CDH7: variants seen among roughly 807,000 people sequenced by gnomAD.
CDH7 encodes the protein cadherin 7.
Under a neutral mutation model 71.8 loss-of-function variants are expected in CDH7, and 25 were observed. The ratio of observed to expected loss-of-function variants is 0.35; its 90% CI spans 0.25 to 0.49. The LOEUF (loss-of-function observed/expected upper bound fraction) is 0.49, where lower values mean the gene tolerates loss of function less well. Ranked by LOEUF, CDH7 falls within the 20% of genes least tolerant of loss-of-function variation. CDH7 has a pLI of 0.99. For synonymous variants in CDH7, 381 were observed against 363.8 expected, an observed-to-expected ratio of 1.05 and a Z score of -0.54; for missense variants, 862 against 974.6, an observed-to-expected ratio of 0.88 and a Z score of 1.54.
At chr18:65,819,850 G>GT (rs1911855264) in intron 4 of CDH7, among the ~76,000 whole-genome samples, 2 of 151,182 alleles carry the variant, frequency 1.3e-5, no homozygotes, top group African/African-American at 4.8e-5. Flanking sequence ...CCAGCCCCTG[G>GT]TTATTAATCC....
At chr18:65,821,441 T>A (rs910569970) in intron 4 of CDH7, among the ~76,000 whole-genome samples, 8 of 152,168 alleles carry the variant, frequency 5.3e-5, no homozygotes, top group Non-Finnish European at 1.2e-4. Flanking sequence ...AGGTGTTACT[T>A]AAAGTGAGCC....
chr18:65,824,035 C>CTTT lies in CDH7; in HGVS notation c.794-599_794-597dup, dbSNP rs5825650. 1.6e-3 allele frequency among the ~76,000 whole-genome samples: 226 copies of CTTT among 145,572 alleles called. 1 individual carries two copies. The highest frequency in any genetic ancestry group is 5.5e-3 in the African/African-American group (221 of 40,030). On this transcript the variant is annotated intron_variant, in intron 5 of 11. Coordinates refer to ENST00000397968, the MANE Select transcript of CDH7 (RefSeq NM_004361.5). ...TTAGAAGTTATTTTTTTCTCTTTCA[C>CTTT]TTTTTTTTTTTTCAGTTCAACTAAT...
chr18:65,852,035 C>T (rs1417444243), intron 7 of CDH7, among the ~76,000 whole-genome samples: 1 of 152,078 alleles, frequency 6.6e-6, no homozygotes, highest in Non-Finnish European at 1.5e-5. Context: ...GGAGGAAAAA[C>T]AGGAATACAG....
intron 7 of CDH7, among the ~76,000 whole-genome samples, chr18:65,846,291 A>AG (rs1568216837): frequency 6.6e-6 from 1 of 152,080 alleles, no homozygotes; most frequent in Admixed American, 6.6e-5. Context: ...GGTCTTTATC[A>AG]GTGAAAGAGT....
At chr18:65,838,763 C>G (rs1442417884) in intron 6 of CDH7, among the ~76,000 whole-genome samples, 1 of 152,102 alleles carries the variant, frequency 6.6e-6, no homozygotes, top group Non-Finnish European at 1.5e-5. Context: ...ATTGAAAAGG[C>G]TACAAATGGC....
intron 7 of CDH7, among the ~76,000 whole-genome samples, chr18:65,849,180 AT>A (rs1913041622): frequency 6.6e-6 from 1 of 152,106 alleles, no homozygotes; most frequent in East Asian, 1.9e-4. Flanking sequence ...AATGCTGCTC[AT>A]TTTAGCATAA....
Position 65,861,324 on chromosome 18 carries a change from CGTGTGTGTGTGTGTTTGT to C in CDH7, c.1613-1327_1613-1310del, listed in dbSNP as rs1454271089. 2.4e-4 allele frequency among the ~76,000 whole-genome samples: 8 copies of C among 33,446 alleles called. 1 individual carries two copies. Among genetic ancestry groups the C allele is most frequent in the Non-Finnish European group, 1.3e-4 (2 of 15,700 alleles). The allele number at this position is 33,446 out of a possible 152,430, so 21.9% of individuals were successfully genotyped here. On this transcript the variant is annotated intron_variant, in intron 10 of 11. Transcript: ENST00000397968. Reference sequence around the variant, plus strand: ...TTTCAGCTTGTGTTCCTCAATTCACCGTGTGTGTGTGTGTTTGTGTGTGTGTGTGTGTGTGTGATTTTG... The same window carrying C: ...TTTCAGCTTGTGTTCCTCAATTCACCGTGTGTGTGTGTGTGTGTGATTTTG...
At chr18:65,857,448 A>T (rs577932114) in intron 7 of CDH7, among the ~76,000 whole-genome samples, 1 of 151,444 alleles carries the variant, frequency 6.6e-6, no homozygotes, top group Non-Finnish European at 1.5e-5. Context: ...CAGGAGTTTG[A>T]GGTTACAGTG....
At chr18:65,775,983 G>A (rs1225459816) in intron 2 of CDH7, among the ~76,000 whole-genome samples, 1 of 152,080 alleles carries the variant, frequency 6.6e-6, no homozygotes, top group African/African-American at 2.4e-5. Context: ...AGTATTAAAT[G>A]TTAAATAAGA....
chr18:65,756,822 A>C (rs1276846653), intron 1 of CDH7, among the ~76,000 whole-genome samples: 1 of 152,258 alleles, frequency 6.6e-6, no homozygotes, highest in Non-Finnish European at 1.5e-5. Flanking sequence ...TATTTCTAGA[A>C]AGCATACAGC....
intron 2 of CDH7, among the ~76,000 whole-genome samples, chr18:65,767,103 T>G (rs1292488096): frequency 3.3e-5 from 5 of 150,982 alleles, no homozygotes; most frequent in Admixed American, 3.3e-4. Flanking sequence ...CTTTTTTTTT[T>G]TTTTGGCTAC....
chr18:65,779,039 T>G (rs1910073132), intron 2 of CDH7, among the ~76,000 whole-genome samples: 1 of 150,944 alleles, frequency 6.6e-6, no homozygotes, highest in African/African-American at 2.4e-5. Context: ...CCCTTTGCTC[T>G]TCAGACATAT....
chr18:65,818,424 T>C (rs1911799251), intron 4 of CDH7, among the ~76,000 whole-genome samples: 1 of 152,138 alleles, frequency 6.6e-6, no homozygotes, highest in Non-Finnish European at 1.5e-5. Context: ...AGAATGTGCA[T>C]GGGGGAGTAC....
intron 2 of CDH7, among the ~76,000 whole-genome samples, chr18:65,781,782 C>CTTT (rs1568181313): frequency 1.6e-5 from 1 of 63,558 alleles, no homozygotes; most frequent in Non-Finnish European, 2.7e-5. Context: ...TTCCTTCCTT[C>CTTT]CTTCCTTCCT....
At chr18:65,761,469 T>C (rs150551531) in intron 1 of CDH7, among the ~76,000 whole-genome samples, 77 of 152,042 alleles carry the variant, frequency 5.1e-4, no homozygotes, top group African/African-American at 1.7e-3. Context: ...GATAGTGCAT[T>C]TTCTGCCTTA....
intron 2 of CDH7, among the ~76,000 whole-genome samples, chr18:65,808,379 C>T (rs1263533751): frequency 6.6e-6 from 1 of 151,914 alleles, no homozygotes; most frequent in Non-Finnish European, 1.5e-5. Context: ...AAATAATTCA[C>T]AATAGTTGAA....
At chr18:65,867,961 C>G (rs570763657) in intron 11 of CDH7, among the ~76,000 whole-genome samples, 52 of 152,334 alleles carry the variant, frequency 3.4e-4, no homozygotes, top group Non-Finnish European at 6.3e-4. Context: ...AAGTACTAAA[C>G]TATATTTGGC....
intron 2 of CDH7, among the ~76,000 whole-genome samples, chr18:65,782,775 C>A (rs1910361461): frequency 6.6e-6 from 1 of 152,110 alleles, no homozygotes. Flanking sequence ...ACATTAAACT[C>A]ACAGACAACA....
chr18:65,777,614 C>T (rs1479908705), intron 2 of CDH7, among the ~76,000 whole-genome samples: 1 of 152,122 alleles, frequency 6.6e-6, no homozygotes, highest in African/African-American at 2.4e-5. Context: ...TTCCTCCTTA[C>T]TCCCTGCCAT....
Sources: gnomAD v4.1 joint callset for allele counts (sites outside exome capture counted in the v4.1 genomes callset) on GRCh38, gnomAD v4.1.1 for gene constraint, MANE v1.5 for transcripts, NCBI Gene and HGNC (gene_info 2026-07-23, HGNC 2026-07-21) for gene names.